TOX: variants seen among roughly 807,000 people sequenced by gnomAD.
The protein encoded by TOX is thymocyte selection-associated high mobility group box protein TOX.
In TOX, 11 loss-of-function variants were observed where a neutral mutation model predicts 53.7. That is an observed-to-expected ratio of 0.20 (90% CI 0.13 to 0.34). The LOEUF is 0.34. Ranked by LOEUF, TOX falls within the 10% of genes least tolerant of loss-of-function variation. The probability of loss-of-function intolerance (pLI) is 1.00; values close to 1 mark genes in which losing one functional copy is unlikely to be tolerated. For synonymous variants in TOX, 225 were observed against 245.3 expected (o/e 0.92, Z 0.77); for missense variants, 570 against 664.6 (o/e 0.86, Z 1.56).
intron 3 of TOX, among the ~76,000 whole-genome samples, chr8:58,931,838 A>G (rs535270867): frequency 6.6e-6 from 1 of 152,318 alleles, no homozygotes; most frequent in South Asian, 2.1e-4. Flanking sequence ...CAAGGGTTGA[A>G]GAAAAAGTAC....
At chr8:59,046,258 T>C (rs1297234873) in intron 1 of TOX, among the ~76,000 whole-genome samples, 1 of 152,114 alleles carries the variant, frequency 6.6e-6, no homozygotes, top group Non-Finnish European at 1.5e-5. Context: ...ATACATACAA[T>C]AAAAAAGTTT....
At chr8:58,975,245 T>TATACACAC (rs1459270825) in intron 1 of TOX, among the ~76,000 whole-genome samples, 10 of 140,158 alleles carry the variant, frequency 7.1e-5, no homozygotes, top group African/African-American at 2.4e-4. Flanking sequence ...GATATATATA[T>TATACACAC]ACACACACAC....
intron 1 of TOX, among the ~76,000 whole-genome samples, chr8:59,025,919 T>C (rs1814228142): frequency 6.6e-6 from 1 of 152,134 alleles, no homozygotes; most frequent in Non-Finnish European, 1.5e-5. Context: ...GTTCCAGTCT[T>C]GGAGTCAGTA....
intron 2 of TOX, among the ~76,000 whole-genome samples, chr8:58,948,343 C>T (rs895496453): frequency 6.6e-6 from 1 of 152,196 alleles, no homozygotes; most frequent in Non-Finnish European, 1.5e-5. Context: ...CGCCATAATT[C>T]ATTAATGATA....
chr8:58,895,007 G>T (rs1354331083), intron 3 of TOX, among the ~76,000 whole-genome samples: 1 of 152,026 alleles, frequency 6.6e-6, no homozygotes, highest in Non-Finnish European at 1.5e-5. Flanking sequence ...GGCCAATATG[G>T]GGAAACCGTG....
chr8:58,824,243 C>A (rs1249789269), intron 6 of TOX, among the ~76,000 whole-genome samples: 1 of 152,150 alleles, frequency 6.6e-6, no homozygotes, highest in Non-Finnish European at 1.5e-5. Flanking sequence ...ATCAAGCCTA[C>A]TTCAAGGGAT....
intron 1 of TOX, among the ~76,000 whole-genome samples, chr8:59,075,169 A>G (rs973731246): frequency 6.6e-6 from 1 of 152,220 alleles, no homozygotes; most frequent in African/African-American, 2.4e-5. Context: ...AATGACAAAA[A>G]TGGTGAAAGG....
chr8:58,949,599 C>CA (rs1200741021), intron 2 of TOX, among the ~76,000 whole-genome samples: 2 of 151,448 alleles, frequency 1.3e-5, no homozygotes, highest in Non-Finnish European at 2.9e-5. Flanking sequence ...ATGAGAATCC[C>CA]AAAAAAAATT....
chr8:59,021,248 C>A (rs1814123632), intron 1 of TOX, among the ~76,000 whole-genome samples: 2 of 146,340 alleles, frequency 1.4e-5, no homozygotes, highest in South Asian at 4.3e-4. Context: ...AAAAAAATTG[C>A]ATGAAGTCAA....
chr8:58,963,247 A>G (rs889365546), intron 1 of TOX, among the ~76,000 whole-genome samples: 1 of 152,074 alleles, frequency 6.6e-6, no homozygotes, highest in Non-Finnish European at 1.5e-5. Context: ...AGTATCCATA[A>G]TCATGTCAGC....
At chr8:59,028,155 C>G (rs1266911976) in intron 1 of TOX, among the ~76,000 whole-genome samples, 2 of 152,066 alleles carry the variant, frequency 1.3e-5, no homozygotes, top group Admixed American at 6.6e-5. Flanking sequence ...TATTGCTAAT[C>G]AAAACATTTT....
intron 1 of TOX, among the ~76,000 whole-genome samples, chr8:58,996,101 C>G (rs916008342): frequency 6.6e-6 from 1 of 152,114 alleles, no homozygotes; most frequent in Non-Finnish European, 1.5e-5. Context: ...AGCATATTTC[C>G]ACTCTCTTTT....
chr8:59,063,510 G>A (rs1208109132), intron 1 of TOX, among the ~76,000 whole-genome samples: 7 of 142,906 alleles, frequency 4.9e-5, no homozygotes, highest in Non-Finnish European at 1.0e-4. Flanking sequence ...TGCAACCTCC[G>A]CCTCCCGGGT....
chr8:58,975,010 T>A (rs1813065251), intron 1 of TOX, among the ~76,000 whole-genome samples: 1 of 151,954 alleles, frequency 6.6e-6, no homozygotes, highest in Non-Finnish European at 1.5e-5. Context: ...TAATTCACAG[T>A]ATGCATTATT....
rs1809958351 is a variant in TOX, at chr8:58,805,475, C to T, written c.*2272G>A. On this transcript the variant is annotated 3_prime_UTR_variant, in exon 9 of 9. Transcript: ENST00000361421. The stretch of plus-strand genomic sequence containing the variant: ...TTTCTTTTATTTACATTTGTTTTTA[C>T]TGTATTTGGTATTGAATTTCAACAC... The T allele has an allele frequency of 6.6e-6, 1 of 152,384 alleles. No individual in the cohort carries two copies. Among genetic ancestry groups the T allele is most frequent in the African/African-American group, 2.4e-5 (1 of 41,398 alleles). 9.4% of individuals were successfully genotyped at this position (152,384 alleles called of 1,614,324 possible).
chr8:58,936,255 G>T (rs1444758646), intron 3 of TOX, among the ~76,000 whole-genome samples: 2 of 151,990 alleles, frequency 1.3e-5, no homozygotes, highest in Non-Finnish European at 2.9e-5. Context: ...TTTCCTCTTG[G>T]TTTATCCAAA....
At chr8:59,049,553 T>C (rs957649239) in intron 1 of TOX, among the ~76,000 whole-genome samples, 1 of 152,188 alleles carries the variant, frequency 6.6e-6, no homozygotes, top group Non-Finnish European at 1.5e-5. Context: ...ACATTCTTCA[T>C]TGAATAAGAC....
At chr8:58,830,491 C>T (rs1412376760) in intron 5 of TOX, among the ~76,000 whole-genome samples, 1 of 152,048 alleles carries the variant, frequency 6.6e-6, no homozygotes, top group African/African-American at 2.4e-5. Flanking sequence ...GCTTATAATC[C>T]CTAATTGAAA....
In TOX at chr8:59,081,759, G is replaced by A. The variant is rs11989151; in HGVS notation, c.102+37127C>T. Among the ~76,000 whole-genome samples the A allele has an allele frequency of 7.9e-4, 120 of 152,142 alleles. 2 individuals are homozygous for A. Among genetic ancestry groups the A allele is most frequent in the African/African-American group, 2.7e-3 (114 of 41,484 alleles). On this transcript the variant is annotated intron_variant, in intron 1 of 8. Transcript: ENST00000361421. ...ATCAAGTTCAAAGAGATGGTGAGGCGGTGGATAAAATTGAGGCAAAGGAAT... is the reference window on the plus strand; with the variant it reads ...ATCAAGTTCAAAGAGATGGTGAGGCAGTGGATAAAATTGAGGCAAAGGAAT...
Sources: allele counts gnomAD v4.1 joint callset (sites outside exome capture counted in the v4.1 genomes callset), GRCh38; gene constraint gnomAD v4.1.1; transcripts MANE v1.5; gene names NCBI Gene and HGNC (gene_info 2026-07-23, HGNC 2026-07-21).